Variants in NPTXR observed in about 807,000 individuals in gnomAD.
The protein encoded by NPTXR is neuronal pentraxin receptor.
In NPTXR, 12 loss-of-function variants were observed where a neutral mutation model predicts 32.2. That is an observed-to-expected ratio of 0.37 (90% confidence interval 0.24 to 0.60). The LOEUF (loss-of-function observed/expected upper bound fraction) is 0.60. Among genes scored for constraint, NPTXR ranks in the 20% least tolerant of loss-of-function variants. NPTXR has a pLI of 0.66. For missense variants in NPTXR, 612 were observed against 682.9 expected (o/e 0.90, Z 1.16); for synonymous variants, 323 against 315.8 (o/e 1.02, Z -0.24).
intron 1 of NPTXR, among the ~76,000 whole-genome samples, chr22:38,830,150 T>C (rs2093113891): frequency 6.6e-6 from 1 of 152,166 alleles, no homozygotes; most frequent in Non-Finnish European, 1.5e-5. Context: ...GACCTCATTT[T>C]GAGGAGTTGC....
At chr22:38,828,207 G>A (rs1285637308) in intron 2 of NPTXR, 80 bp downstream of exon 2, 9 of 827,152 alleles carry the variant, frequency 1.1e-5, no homozygotes, top group African/African-American at 9.5e-5. Context: ...GTTAGCCTCC[G>A]GGGAGCATGG....
chr22:38,831,514 GT>G (rs1313191822), intron 1 of NPTXR, among the ~76,000 whole-genome samples: 1 of 152,186 alleles, frequency 6.6e-6, no homozygotes, highest in Non-Finnish European at 1.5e-5. Flanking sequence ...AATGCCAACT[GT>G]GGGGCTTGAC....
In NPTXR at chr22:38,843,180, C is replaced by G. The variant is rs1411704149; in HGVS notation, c.624+55G>C. 4 of 1,261,438 alleles carry G rather than the reference C, an allele frequency of 3.2e-6. No individual in the cohort carries two copies. The highest frequency in any genetic ancestry group is 8.6e-5 in the Admixed American group (2 of 23,182). 78.1% of individuals were successfully genotyped at this position (1,261,438 alleles called of 1,614,324 possible). A position where few individuals can be genotyped will look rare whatever the true frequency, so the allele number is the denominator to read the frequency against. The stretch of plus-strand genomic sequence containing the variant: ...CTCGGGGACCGCCGGACGACCGCGG[C>G]CGGGCGGCCCCTCACACCACCCGGG... On this transcript the variant is annotated intron_variant, in intron 1 of 4. Coordinates refer to ENST00000333039, the MANE Select transcript of NPTXR (RefSeq NM_014293.4). This position sits in a 1 kb window ranked among gnomAD's most constrained non-coding sequence, Gnocchi z 5.3.
chr22:38,828,734 G>A (rs952177832), intron 1 of NPTXR, among the ~76,000 whole-genome samples: 7 of 152,276 alleles, frequency 4.6e-5, no homozygotes, highest in East Asian at 3.8e-4. Flanking sequence ...AGCAGGCAGA[G>A]CTGGCCCCGG....
Position 38,832,187 on chromosome 22 carries a change from G to A in NPTXR, c.625-3675C>T, listed in dbSNP as rs555279095. The stretch of plus-strand genomic sequence containing the variant: ...GCCAGGAAGGCCATGGAGGAGGTGG[G>A]CTCGCCGGATCGTGTGTGAGTCCCT... On this transcript the variant is annotated intron_variant, in intron 1 of 4. Transcript: ENST00000333039. 4.6e-5 allele frequency among the ~76,000 whole-genome samples: 7 copies of A among 152,342 alleles called. No homozygotes were observed. The East Asian group carries it at 1.4e-3, about 29-fold the overall frequency.
At chr22:38,835,915 G>A (rs2093123239) in intron 1 of NPTXR, among the ~76,000 whole-genome samples, 1 of 152,124 alleles carries the variant, frequency 6.6e-6, no homozygotes, top group African/African-American at 2.4e-5. Flanking sequence ...GCCCAAGACT[G>A]TCCTGGGGAG....
At chr22:38,823,663 A>G (rs2093101800) in intron 3 of NPTXR, among the ~76,000 whole-genome samples, 1 of 152,210 alleles carries the variant, frequency 6.6e-6, no homozygotes, top group Non-Finnish European at 1.5e-5. Context: ...GCCAGGCTCC[A>G]GCATCTGGCC....
At position 38,821,934 on chromosome 22, in the gene NPTXR, CCTCCAGG is replaced by C. The variant is rs2093097940; in HGVS notation, c.*668_*674del. On this transcript the variant is annotated 3_prime_UTR_variant, in exon 5 of 5. Transcript: ENST00000333039. ...GCCTCCTGGGGTCTTTGTCCCCTTCCCTCCAGGCTGGAGCTGGGAAAGGAATGTCCTG... is the reference window on the plus strand; with the variant it reads ...GCCTCCTGGGGTCTTTGTCCCCTTCCCTGGAGCTGGGAAAGGAATGTCCTG... The C allele has an allele frequency of 6.4e-6, 1 of 155,140 alleles. No homozygotes were observed. The highest frequency in any genetic ancestry group is 6.4e-5 in the Admixed American group (1 of 15,666). 9.6% of individuals were successfully genotyped at this position (155,140 alleles called of 1,614,324 possible). A position where few individuals can be genotyped will look rare whatever the true frequency, so the allele number is the denominator to read the frequency against.
intron 1 of NPTXR, 79 bp from the exon 2 acceptor site, chr22:38,828,591 T>C (rs757565500): frequency 1.8e-5 from 22 of 1,206,476 alleles, no homozygotes; most frequent in Non-Finnish European, 2.4e-5. Context: ...CTACCGCCCC[T>C]GCTCAGTGAC....
At chr22:38,827,957 C>T (rs951620823) in intron 2 of NPTXR, among the ~76,000 whole-genome samples, 2 of 152,174 alleles carry the variant, frequency 1.3e-5, no homozygotes, top group African/African-American at 4.8e-5. Flanking sequence ...GGTCCAGACC[C>T]GCCACTTTTG....
At chr22:38,827,602 C>T (rs2093109331) in intron 2 of NPTXR, among the ~76,000 whole-genome samples, 1 of 152,212 alleles carries the variant, frequency 6.6e-6, no homozygotes, top group African/African-American at 2.4e-5. Context: ...CACCATTTCT[C>T]CTGTTCTCCC....
chr22:38,825,840 CTTTTTTTT>C (rs11364544), intron 3 of NPTXR, among the ~76,000 whole-genome samples: 6 of 115,470 alleles, frequency 5.2e-5, no homozygotes, highest in African/African-American at 1.7e-4. Flanking sequence ...CTCTCTCTCT[CTTTTTTTT>C]TTTTTTTTTT....
intron 3 of NPTXR, 140 bp from the exon 4 acceptor site, chr22:38,823,402 GC>G: frequency 1.5e-6 from 1 of 674,700 alleles, no homozygotes; most frequent in Admixed American, 2.8e-5. Flanking sequence ...CCATCCTCCT[GC>G]CCAGTGTCTT....
At position 38,843,085 on chromosome 22, in the gene NPTXR, A is replaced by G. The variant is rs1033745233; in HGVS notation, c.624+150T>C. 2.5e-6 allele frequency: 2 copies of G among 815,046 alleles called. No individual in the cohort carries two copies. Among genetic ancestry groups the G allele is most frequent in the African/African-American group, 3.6e-5 (2 of 55,508 alleles). 50.5% of individuals were successfully genotyped at this position (815,046 alleles called of 1,614,324 possible). A position where few individuals can be genotyped will look rare whatever the true frequency, so the allele number is the denominator to read the frequency against. On this transcript the variant is annotated intron_variant, in intron 1 of 4. Transcript: ENST00000333039. The surrounding 1 kb of genome is among the most constrained non-coding windows in gnomAD (Gnocchi z 5.3). ...TGCCAGACGCCTGCCCGCGTTCCCTATCGAAATCCCCCCGCCTCGCCAGCG... is the reference window on the plus strand; with the variant it reads ...TGCCAGACGCCTGCCCGCGTTCCCTGTCGAAATCCCCCCGCCTCGCCAGCG...
intron 1 of NPTXR, among the ~76,000 whole-genome samples, chr22:38,835,027 T>C (rs1270742597): frequency 1.3e-5 from 2 of 152,194 alleles, no homozygotes; most frequent in Non-Finnish European, 2.9e-5. Context: ...TGAGCCTCAG[T>C]TTCCTCATCT....
Position 38,825,840 on chromosome 22 carries a change from CTTT to C in NPTXR, c.1098+657_1098+659del, listed in dbSNP as rs11364544. 4.8e-3 allele frequency among the ~76,000 whole-genome samples: 553 copies of C among 115,426 alleles called. 5 individuals carry two copies. Among genetic ancestry groups the C allele is most frequent in the Middle Eastern group, 0.019 (4 of 212 alleles). 75.7% of individuals were successfully genotyped at this position (115,426 alleles called of 152,430 possible). ...CTGTGCACCTCCCTTCTCTCTCTCT[CTTT>C]TTTTTTTTTTTTTTTTTGACACAGA... is the stretch of plus-strand genomic sequence containing the variant. On this transcript the variant is annotated intron_variant, in intron 3 of 4. Coordinates refer to ENST00000333039, the MANE Select transcript of NPTXR (RefSeq NM_014293.4).
Position 38,843,694 on chromosome 22 carries a change from C to T in NPTXR, c.165G>A (p.Pro55=). 3 of 999,912 alleles carry T rather than the reference C, an allele frequency of 3.0e-6. No homozygotes were observed. Among genetic ancestry groups the T allele is most frequent in the East Asian group, 1.1e-4 (1 of 9,466 alleles). The allele number at this position is 999,912 out of a possible 1,614,324, so 61.9% of individuals were successfully genotyped here. A position where few individuals can be genotyped will look rare whatever the true frequency, so the allele number is the denominator to read the frequency against. ...CGTGCAGCGCGCTCAGGCTCCGCTG[C>T]GGGCCCGGGGACGCGGCGGCGCCCG... Residue 55 remains proline (P), a synonymous_variant, in exon 1 of 5, where the codon CCG becomes CCA. Coordinates refer to ENST00000333039, the MANE Select transcript of NPTXR (RefSeq NM_014293.4). This position sits in a 1 kb window ranked among gnomAD's most constrained non-coding sequence, Gnocchi z 5.3.
chr22:38,828,645 C>T (rs1881090658), intron 1 of NPTXR, 133 bp from the exon 2 acceptor site: 2 of 667,812 alleles, frequency 3.0e-6, no homozygotes, highest in Non-Finnish European at 5.1e-6. Context: ...ATGGGAATGA[C>T]AATGGCCAAC....
intron 1 of NPTXR, among the ~76,000 whole-genome samples, chr22:38,835,681 G>A (rs2093122905): frequency 6.6e-6 from 1 of 152,074 alleles, no homozygotes; most frequent in Admixed American, 6.5e-5. Context: ...CACCTTCCGG[G>A]CCCCCAAAAT....
Sources: gnomAD v4.1 joint callset for allele counts (sites outside exome capture counted in the v4.1 genomes callset) on GRCh38, gnomAD v4.1.1 for gene constraint, Gnocchi (gnomAD v3.1) non-coding constraint, MANE v1.5 for transcripts, NCBI Gene and HGNC (gene_info 2026-07-23, HGNC 2026-07-21) for gene names.